The following MYO3B variants were observed in gnomAD, a reference collection of about 807,000 sequenced individuals.
MYO3B encodes myosin-IIIb.
In MYO3B, 156 loss-of-function variants were observed where a neutral mutation model predicts 174.6. The ratio of observed to expected loss-of-function variants is 0.89; its 90% CI spans 0.78 to 1.02. The LOEUF is 1.02. Ranked by LOEUF, MYO3B falls within the 50% of genes least tolerant of loss-of-function variation. MYO3B has a pLI of 0.00. For missense variants in MYO3B, 1,632 were observed against 1,639.4 expected (o/e 1.00, Z 0.08); for synonymous variants, 563 against 569.1 (o/e 0.99, Z 0.15).
intron 8 of MYO3B, among the ~76,000 whole-genome samples, chr2:170,363,493 G>T (rs183697000): frequency 8.7e-4 from 132 of 152,286 alleles, no homozygotes; most frequent in African/African-American, 3.1e-3. Context: ...TTGGAGCAGA[G>T]AGTGCACAGA....
chr2:170,562,697 G>A (rs1691792313), intron 32 of MYO3B, among the ~76,000 whole-genome samples: 1 of 152,106 alleles, frequency 6.6e-6, no homozygotes, highest in African/African-American at 2.4e-5. Context: ...CATCCTTTCT[G>A]CCTCCTGTAA....
chr2:170,634,002 G>A lies in MYO3B; in HGVS notation c.3734-17626G>A, dbSNP rs192723767. Among the ~76,000 whole-genome samples the A allele has an allele frequency of 3.3e-3, 509 of 152,240 alleles. 3 individuals are homozygous for A. Among genetic ancestry groups the A allele is most frequent in the African/African-American group, 0.012 (491 of 41,528 alleles). The stretch of plus-strand genomic sequence containing the variant: ...AAATGGAAGAACATTCCATGCTCAT[G>A]GATAGGAAGAATCAATATTGTGAAA... On this transcript the variant is annotated intron_variant, in intron 32 of 34. Transcript: ENST00000408978.
rs186764072 is a variant in MYO3B at position 170,185,613 on chromosome 2, C to T, written c.2+7324C>T. 8.9e-4 allele frequency among the ~76,000 whole-genome samples: 135 copies of T among 152,152 alleles called. 2 individuals carry two copies. In the South Asian group the frequency reaches 0.016, roughly 18 times the overall value. ...GTTTTGTTTGCTTTGCTCAGGATAG[C>T]TTTGGCTATTCTGGGTCTTTTGTGG... On this transcript the variant is annotated intron_variant, in intron 1 of 34. Transcript: ENST00000408978.
At chr2:170,599,679 T>C (rs1575225508) in intron 32 of MYO3B, among the ~76,000 whole-genome samples, 1 of 151,770 alleles carries the variant, frequency 6.6e-6, no homozygotes, top group South Asian at 2.1e-4. Context: ...ACCTGGGAGG[T>C]GGAGGTTGTA....
intron 25 of MYO3B, among the ~76,000 whole-genome samples, chr2:170,477,669 A>G (rs1685400780): frequency 6.6e-6 from 1 of 150,866 alleles, no homozygotes; most frequent in Admixed American, 6.7e-5. Flanking sequence ...TGTGCCTTAT[A>G]AGATGTTTAG....
intron 7 of MYO3B, among the ~76,000 whole-genome samples, chr2:170,305,064 A>G (rs1324765080): frequency 6.6e-6 from 1 of 152,026 alleles, no homozygotes; most frequent in African/African-American, 2.4e-5. Context: ...TTTAGATAAT[A>G]TAAATATTTT....
chr2:170,417,059 C>T (rs879596279), intron 22 of MYO3B, among the ~76,000 whole-genome samples: 4 of 152,008 alleles, frequency 2.6e-5, no homozygotes, highest in Non-Finnish European at 5.9e-5. Flanking sequence ...CTCCTGACCT[C>T]GTGATCTGCC....
chr2:170,194,658 G>C (rs551298255), intron 1 of MYO3B, among the ~76,000 whole-genome samples: 1 of 152,120 alleles, frequency 6.6e-6, no homozygotes, highest in South Asian at 2.1e-4. Flanking sequence ...TATTAGTCAG[G>C]GTTCTCTAGA....
At chr2:170,276,118 G>A (rs2093462303) in intron 7 of MYO3B, among the ~76,000 whole-genome samples, 1 of 152,124 alleles carries the variant, frequency 6.6e-6, no homozygotes, top group Non-Finnish European at 1.5e-5. Flanking sequence ...GGTCACTTTA[G>A]ACAAATGAAA....
At chr2:170,231,013 C>T (rs1233018354) in intron 6 of MYO3B, among the ~76,000 whole-genome samples, 2 of 152,230 alleles carry the variant, frequency 1.3e-5, no homozygotes, top group Non-Finnish European at 2.9e-5. Flanking sequence ...GAGCTGCTGA[C>T]TGTTGTTTTT....
chr2:170,183,794 C>G (rs2092431863), intron 1 of MYO3B, among the ~76,000 whole-genome samples: 1 of 152,056 alleles, frequency 6.6e-6, no homozygotes, highest in African/African-American at 2.4e-5. Context: ...CCATTATTAA[C>G]TAAGATGTTG....
intron 32 of MYO3B, among the ~76,000 whole-genome samples, chr2:170,647,518 T>C (rs1173406345): frequency 6.6e-6 from 1 of 152,180 alleles, no homozygotes; most frequent in Non-Finnish European, 1.5e-5. Context: ...TTTCTTCCAA[T>C]GGCAAAGCAC....
intron 22 of MYO3B, among the ~76,000 whole-genome samples, chr2:170,429,059 T>C (rs1183562456): frequency 6.6e-6 from 1 of 152,204 alleles, no homozygotes; most frequent in African/African-American, 2.4e-5. Flanking sequence ...TGTGTAACTT[T>C]CTCAGGCTTA....
rs984447902 is a variant in MYO3B at position 170,355,394 on chromosome 2, C to A, written c.816-13828C>A. On this transcript the variant is annotated intron_variant, in intron 8 of 34. Coordinates refer to ENST00000408978, the MANE Select transcript of MYO3B (RefSeq NM_138995.5). The stretch of plus-strand genomic sequence containing the variant: ...TCAATTTTAGTCTTTACCAAAAGAA[C>A]AAACATTAAGGGAAGGGTACAAAAT... 3.3e-5 allele frequency among the ~76,000 whole-genome samples: 5 copies of A among 152,182 alleles called. No homozygotes were observed. The South Asian group carries it at 1.0e-3, about 32-fold the overall frequency.
At chr2:170,365,035 A>G (rs1275240654) in intron 8 of MYO3B, among the ~76,000 whole-genome samples, 3 of 152,234 alleles carry the variant, frequency 2.0e-5, no homozygotes, top group Non-Finnish European at 2.9e-5. Context: ...GTTTAGTTCA[A>G]TTTAGTTCCA....
intron 22 of MYO3B, among the ~76,000 whole-genome samples, chr2:170,417,214 C>T (rs1013198522): frequency 4.6e-5 from 7 of 152,142 alleles, no homozygotes; most frequent in Admixed American, 2.0e-4. Flanking sequence ...TAGCCCCTCT[C>T]TTCCCCACTC....
chr2:170,390,691 G>A (rs1239824954), intron 14 of MYO3B, among the ~76,000 whole-genome samples: 2 of 152,178 alleles, frequency 1.3e-5, no homozygotes, highest in African/African-American at 4.8e-5. Context: ...ATCTACAGAA[G>A]AGACTGTCCT....
Position 170,214,279 on chromosome 2 carries a change from T to C in MYO3B, c.322-100T>C, listed in dbSNP as rs1454841185. 5.9e-6 allele frequency: 5 copies of C among 852,710 alleles called. No homozygotes were observed. In the East Asian group the frequency reaches 1.3e-4, roughly 22 times the overall value. The allele number at this position is 852,710 out of a possible 1,614,324, so 52.8% of individuals were successfully genotyped here. On this transcript the variant is annotated intron_variant, in intron 3 of 34. Coordinates refer to ENST00000408978, the MANE Select transcript of MYO3B (RefSeq NM_138995.5). ...GGAGTTTTGTAATCTGCAAATTTAC[T>C]ACATTGAATCAGTATCAGTCGGCTT...
intron 14 of MYO3B, among the ~76,000 whole-genome samples, chr2:170,389,093 T>C (rs1439179537): frequency 2.0e-5 from 3 of 152,258 alleles, no homozygotes; most frequent in African/African-American, 7.2e-5. Flanking sequence ...CTTAATGTGA[T>C]ATGTTGCTTA....
Sources: allele counts gnomAD v4.1 joint callset (sites outside exome capture counted in the v4.1 genomes callset), GRCh38; gene constraint gnomAD v4.1.1; transcripts MANE v1.5; gene names NCBI Gene and HGNC (gene_info 2026-07-23, HGNC 2026-07-21).